The following ADAT3 variants were observed in gnomAD, a reference collection of about 807,000 sequenced individuals.
The protein encoded by ADAT3 is tRNA-specific adenosine-34 deaminase regulatory subunit ADAT3.
In ADAT3, 2 loss-of-function variants were observed where a neutral mutation model predicts 3.5. The observed-to-expected ratio is 0.57, with a 90% CI of 0.23 to 1.79. The LOEUF (loss-of-function observed/expected upper bound fraction) is 1.79. Among genes scored for constraint, ADAT3 ranks in the 40% most tolerant of loss-of-function variants. The pLI is 0.18. For missense variants in ADAT3, 735 were observed against 571.4 expected (o/e 1.29, Z -2.92); for synonymous variants, 358 against 270.3 (o/e 1.32, Z -3.18).
rs1187798522 is a variant in ADAT3 at position 1,913,281 on chromosome 19, G to T, written c.*130G>T. 4.6e-6 allele frequency: 6 copies of T among 1,318,604 alleles called. No homozygotes were observed. The highest frequency in any genetic ancestry group is 1.5e-5 in the African/African-American group (1 of 66,458). 81.7% of individuals were successfully genotyped at this position (1,318,604 alleles called of 1,614,324 possible). ...AGGGACACATACCGCCTCCAGCGGG[G>T]AGCACGGGTGCTGCCTTCCGTGCGG... On this transcript the variant is annotated 3_prime_UTR_variant, in exon 2 of 2. Coordinates refer to ENST00000329478, the MANE Select transcript of ADAT3 (RefSeq NM_138422.4).
chr19:1,907,921 G>C (rs1393385013), intron 1 of ADAT3: 1 of 153,726 alleles, frequency 6.5e-6, no homozygotes, highest in Non-Finnish European at 1.4e-5. Flanking sequence ...CAGTCAATCA[G>C]CCTGAACACT....
intron 1 of ADAT3, chr19:1,906,091 T>C (rs2013098602): frequency 6.6e-6 from 1 of 152,244 alleles, no homozygotes; most frequent in Admixed American, 6.5e-5. Context: ...CTGGGTGCAG[T>C]TCCTCACCCT....
chr19:1,905,617 G>A (rs1479626317), intron 1 of ADAT3, 178 bp downstream of exon 1: 1 of 164,394 alleles, frequency 6.1e-6, no homozygotes, highest in Non-Finnish European at 1.4e-5. Context: ...ACGCGGGGAG[G>A]CGGCGCGAAT....
At chr19:1,909,449 A>C (rs2013319336) in intron 1 of ADAT3, among the ~76,000 whole-genome samples, 1 of 151,892 alleles carries the variant, frequency 6.6e-6, no homozygotes, top group Admixed American at 6.6e-5. Context: ...CCTCATGTCC[A>C]CCTGTGCCAG....
At chr19:1,910,471 G>T (rs910859987) in intron 1 of ADAT3, among the ~76,000 whole-genome samples, 3 of 152,234 alleles carry the variant, frequency 2.0e-5, no homozygotes, top group East Asian at 1.9e-4. Context: ...TCTCTTAGGG[G>T]TGATGGAATG....
chr19:1,912,350 C>T lies in ADAT3; in HGVS notation c.303C>T (p.Gly101=). Residue 101 remains glycine (G), a synonymous_variant, in exon 2 of 2, where the codon GGC becomes GGT. Coordinates refer to ENST00000329478, the MANE Select transcript of ADAT3 (RefSeq NM_138422.4). The part of the protein sequence containing the change: ...LKRVRPSRDA[G]SPHALEMLLC... ...GGGTGCGGCCCAGCCGCGATGCCGG[C>T]AGCCCCCACGCCCTGGAGATGCTGC... 1 of 1,530,398 alleles carries T rather than the reference C, an allele frequency of 6.5e-7. No homozygotes were observed. The highest frequency in any genetic ancestry group is 2.0e-5 in the Admixed American group (1 of 49,614). The allele number at this position is 1,530,398 out of a possible 1,614,324, so 94.8% of individuals were successfully genotyped here. A position where few individuals can be genotyped will look rare whatever the true frequency, so the allele number is the denominator to read the frequency against.
rs759699951 is a variant in ADAT3 at position 1,912,927 on chromosome 19, C to G, written c.880C>G (p.Leu294Val). ...LDADEDGLPY[L>V]CTGYDLYVTR... is the part of the protein sequence containing the mutation. ...CGCAGACGAGGACGGCCTCCCCTACCTGTGCACTGGCTACGACCTGTACGT... is the reference window on the plus strand; with the variant it reads ...CGCAGACGAGGACGGCCTCCCCTACGTGTGCACTGGCTACGACCTGTACGT... Residue 294 changes from leucine to valine, a missense_variant, in exon 2 of 2, where the codon CTG (leucine) becomes GTG (valine). Physicochemically the swap from Leu to Val is conservative, Grantham distance 32. Coordinates refer to ENST00000329478, the MANE Select transcript of ADAT3 (RefSeq NM_138422.4). The G allele has an allele frequency of 1.9e-6, 3 of 1,610,328 alleles. No individual in the cohort carries two copies. Among genetic ancestry groups the G allele is most frequent in the African/African-American group, 1.3e-5 (1 of 75,036 alleles).
In ADAT3 at chr19:1,913,015, T is replaced by C. The variant is rs2013574365; in HGVS notation, c.968T>C (p.Phe323Ser). The change falls in exon 2 of 2, where the codon TTC (phenylalanine) becomes TCC (serine). Residue 323 changes from phenylalanine to serine, a missense_variant. Physicochemically the swap from Phe to Ser is radical, Grantham distance 155. Coordinates refer to ENST00000329478, the MANE Select transcript of ADAT3 (RefSeq NM_138422.4). ...ALVHARILRV[F>S]YGAPSPDGAL... ...GTGCACGCACGCATCCTGCGCGTCT[T>C]CTACGGTGCGCCCTCGCCCGACGGC... The C allele has an allele frequency of 6.2e-7, 1 of 1,606,618 alleles. No homozygotes were observed.
Position 1,911,979 on chromosome 19 carries a change from C to G in ADAT3, c.-69C>G. The G allele has an allele frequency of 7.1e-7, 1 of 1,409,428 alleles. No homozygotes were observed. The highest frequency in any genetic ancestry group is 9.2e-7 in the Non-Finnish European group (1 of 1,088,474). The allele number at this position is 1,409,428 out of a possible 1,614,324, so 87.3% of individuals were successfully genotyped here. ...GCCTCAGCTTTGGTGGCAGCACGCCCTGCCTTGTGGAGCCACGGCCTCCCG... is the reference window on the plus strand; with the variant it reads ...GCCTCAGCTTTGGTGGCAGCACGCCGTGCCTTGTGGAGCCACGGCCTCCCG... On this transcript the variant is annotated 5_prime_UTR_variant, in exon 2 of 2. Coordinates refer to ENST00000329478, the MANE Select transcript of ADAT3 (RefSeq NM_138422.4).
rs922000354 is a variant in ADAT3, at chr19:1,908,116, G to C, written c.-159+2677G>C. ...ACAGTGGAGTGTTTGTGGCCTAGCAGGGCCGTGCGGGCCTCTCGGTCCTGG... is the reference window on the plus strand; with the variant it reads ...ACAGTGGAGTGTTTGTGGCCTAGCACGGCCGTGCGGGCCTCTCGGTCCTGG... On this transcript the variant is annotated intron_variant, in intron 1 of 1. Coordinates refer to ENST00000329478, the MANE Select transcript of ADAT3 (RefSeq NM_138422.4). This position sits in a 1 kb window ranked among gnomAD's most constrained non-coding sequence, Gnocchi z 4.2. 5.4e-5 allele frequency: 12 copies of C among 222,294 alleles called. No individual in the cohort carries two copies. The highest frequency in any genetic ancestry group is 8.2e-5 in the Non-Finnish European group (9 of 109,964). The allele number at this position is 222,294 out of a possible 1,614,324, so 13.8% of individuals were successfully genotyped here. A position where few individuals can be genotyped will look rare whatever the true frequency, so the allele number is the denominator to read the frequency against.
At chr19:1,909,193 G>GGT (rs1285574653) in intron 1 of ADAT3, among the ~76,000 whole-genome samples, 2 of 152,162 alleles carry the variant, frequency 1.3e-5, no homozygotes, top group Admixed American at 1.3e-4. Context: ...GGCAGATGCA[G>GGT]GTGGGGGAAG....
At chr19:1,907,666 C>T (rs2013203864) in intron 1 of ADAT3, among the ~76,000 whole-genome samples, 1 of 152,162 alleles carries the variant, frequency 6.6e-6, no homozygotes, top group Non-Finnish European at 1.5e-5. Flanking sequence ...ACTCACCTGC[C>T]TGGAGCTATG....
chr19:1,911,288 C>T (rs2013432571), intron 1 of ADAT3, among the ~76,000 whole-genome samples: 1 of 152,068 alleles, frequency 6.6e-6, no homozygotes, highest in South Asian at 2.1e-4. Context: ...CCTCCTGTTT[C>T]AGCTTCTCGA....
intron 1 of ADAT3, chr19:1,905,822 T>A (rs562010202): frequency 6.6e-6 from 1 of 152,502 alleles, no homozygotes; most frequent in East Asian, 1.9e-4. Context: ...CTCGCGAGTT[T>A]CCGTAGCCTT....
rs749274737 is a variant in ADAT3 at position 1,912,449 on chromosome 19, C to A, written c.402C>A (p.Arg134=). The change falls in exon 2 of 2, where the codon CGC becomes CGA. Residue 134 remains arginine (R), a synonymous_variant. Transcript: ENST00000329478. ...TGCCACGGCCGGCTGTGGACCCCCG[C>A]GGCCTGGGGCAACCCTTCCTGGTGC... is the stretch of plus-strand genomic sequence containing the variant. ...ELLPRPAVDP[R]GLGQPFLVPV... is the part of the protein sequence containing the mutation. 2.7e-6 allele frequency: 4 copies of A among 1,506,658 alleles called. No individual in the cohort carries two copies. In the Admixed American group the frequency reaches 6.3e-5, roughly 24 times the overall value. 93.3% of individuals were successfully genotyped at this position (1,506,658 alleles called of 1,614,324 possible). A position where few individuals can be genotyped will look rare whatever the true frequency, so the allele number is the denominator to read the frequency against.
chr19:1,913,401 C>CG lies in ADAT3; in HGVS notation c.*253dup. ...CTGCGTTTGTGTCCCCTCTGTCTCG[C>CG]GGGCCGGGAAACTGCTCTGATGGGA... On this transcript the variant is annotated 3_prime_UTR_variant, in exon 2 of 2. Coordinates refer to ENST00000329478, the MANE Select transcript of ADAT3 (RefSeq NM_138422.4). 1.7e-6 allele frequency: 1 copy of CG among 601,030 alleles called. No individual in the cohort carries two copies. Among genetic ancestry groups the CG allele is most frequent in the Non-Finnish European group, 2.9e-6 (1 of 339,434 alleles). 37.2% of individuals were successfully genotyped at this position (601,030 alleles called of 1,614,324 possible).
At chr19:1,910,573 G>GTTTTTT in intron 1 of ADAT3, among the ~76,000 whole-genome samples, 1 of 126,822 alleles carries the variant, frequency 7.9e-6, no homozygotes, top group Non-Finnish European at 1.6e-5. Flanking sequence ...TTTTTGAGGT[G>GTTTTTT]TCTTTTTTTT....
intron 1 of ADAT3, chr19:1,905,744 T>G (rs1359139041): frequency 6.6e-6 from 1 of 152,280 alleles, no homozygotes. Context: ...AGACCCCGTA[T>G]CCTCCAGCTG....
At position 1,908,676 on chromosome 19, in the gene ADAT3, GA is replaced by G. The variant is rs1246531877; in HGVS notation, c.-158-3208del. The G allele has an allele frequency of 2.3e-6, 1 of 429,302 alleles. No individual in the cohort carries two copies. Among genetic ancestry groups the G allele is most frequent in the Non-Finnish European group, 4.7e-6 (1 of 213,594 alleles). The allele number at this position is 429,302 out of a possible 1,614,324, so 26.6% of individuals were successfully genotyped here. The stretch of plus-strand genomic sequence containing the variant: ...GGATTTTATTATTATTTATTTATTT[GA>G]AAAAAGGAACAGGGTCTCTCTATCT... On this transcript the variant is annotated intron_variant, in intron 1 of 1. Transcript: ENST00000329478. This position sits in a 1 kb window ranked among gnomAD's most constrained non-coding sequence, Gnocchi z 4.2.
Sources: gnomAD v4.1 joint callset for allele counts (sites outside exome capture counted in the v4.1 genomes callset) on GRCh38, gnomAD v4.1.1 for gene constraint, Gnocchi (gnomAD v3.1) non-coding constraint, MANE v1.5 for transcripts, NCBI Gene and HGNC (gene_info 2026-07-23, HGNC 2026-07-21) for gene names.